The following DMD variants were observed in gnomAD, a reference collection of about 807,000 sequenced individuals.
The protein encoded by DMD is mutant dystrophin.
DMD carries 63 observed loss-of-function variants against 330.1 expected under a neutral mutation model. That is an observed-to-expected ratio of 0.19 (90% CI 0.16 to 0.24). The LOEUF (loss-of-function observed/expected upper bound fraction) is 0.24. DMD is among the 10% of genes least tolerant of loss of function. The pLI is 1.00. For missense variants in DMD, 3,344 were observed against 2,684.1 expected, an observed-to-expected ratio of 1.25 and a Z score of -5.43; for synonymous variants, 1,223 against 959.8, an observed-to-expected ratio of 1.27 and a Z score of -5.07.
At chrX:32,884,145 T>A (rs759797650) in intron 2 of DMD, among the ~76,000 whole-genome samples, 10 of 111,245 alleles carry the variant, frequency 9.0e-5, no homozygotes, top group African/African-American at 3.3e-4. Flanking sequence ...CTGAAGGAAC[T>A]TAAAGTTCCC....
At chrX:31,712,859 C>A (rs1472461285) in intron 52 of DMD, among the ~76,000 whole-genome samples, 1 of 111,344 alleles carries the variant, frequency 9.0e-6, no homozygotes, top group African/African-American at 3.3e-5. Flanking sequence ...GAAACAAAGT[C>A]CTGCTCCATA....
chrX:32,608,728 A>G (rs1423183673), intron 12 of DMD, among the ~76,000 whole-genome samples: 4 of 110,818 alleles, frequency 3.6e-5, no homozygotes, highest in Non-Finnish European at 5.7e-5. Context: ...CTGAGCATCA[A>G]TTATTGACTA....
chrX:31,358,982 T>A (rs1166706998), intron 60 of DMD, among the ~76,000 whole-genome samples: 2 of 112,147 alleles, frequency 1.8e-5, no homozygotes, highest in African/African-American at 6.5e-5. Flanking sequence ...TGATTGTTCA[T>A]AACAGGCTTC....
intron 1 of DMD, among the ~76,000 whole-genome samples, chrX:33,186,342 T>A (rs1378624346): frequency 8.9e-6 from 1 of 111,981 alleles, no homozygotes; most frequent in Non-Finnish European, 1.9e-5. Context: ...CTGTAAGAGA[T>A]ACAAAGATGG....
chrX:31,329,836 T>C (rs954710156), intron 61 of DMD, among the ~76,000 whole-genome samples: 1 of 107,396 alleles, frequency 9.3e-6, no homozygotes, highest in Admixed American at 1.0e-4. Context: ...CTGGGCGAGG[T>C]GGCGCGCACC....
intron 44 of DMD, among the ~76,000 whole-genome samples, chrX:32,036,661 A>G (rs978424096): frequency 9.0e-6 from 1 of 111,512 alleles, no homozygotes; most frequent in African/African-American, 3.3e-5. Context: ...CCTCAGAAAA[A>G]TGATTTGGGC....
At chrX:31,246,918 T>C (rs1334890318) in intron 63 of DMD, among the ~76,000 whole-genome samples, 2 of 106,998 alleles carry the variant, frequency 1.9e-5, no homozygotes, top group Non-Finnish European at 3.8e-5. Context: ...AGAGCAAGAC[T>C]CCGTCTTGGA....
chrX:32,812,284 A>C (rs1391497678), intron 6 of DMD, among the ~76,000 whole-genome samples: 1 of 111,607 alleles, frequency 9.0e-6, no homozygotes, highest in African/African-American at 3.3e-5. Context: ...CAAAATAACG[A>C]AAAAAACAAA....
chrX:32,736,931 A>C (rs1014293009), intron 7 of DMD, among the ~76,000 whole-genome samples: 18 of 110,110 alleles, frequency 1.6e-4, no homozygotes, highest in African/African-American at 4.3e-4. Flanking sequence ...AAAGAAAAAA[A>C]AACTTAAAAA....
intron 1 of DMD, among the ~76,000 whole-genome samples, chrX:33,294,323 C>T: frequency 9.0e-6 from 1 of 111,142 alleles, no homozygotes; most frequent in Middle Eastern, 4.7e-3. Context: ...CCATGGAGCC[C>T]CTGACACTAC....
At chrX:31,581,460 C>G (rs951146425) in intron 55 of DMD, among the ~76,000 whole-genome samples, 1 of 111,885 alleles carries the variant, frequency 8.9e-6, no homozygotes, top group African/African-American at 3.2e-5. Context: ...ATATTCCTCA[C>G]AAGACATTCC....
chrX:33,325,946 A>G (rs760860370), intron 1 of DMD, among the ~76,000 whole-genome samples: 19 of 111,872 alleles, frequency 1.7e-4, no homozygotes, highest in African/African-American at 5.8e-4. Context: ...GTAAGTCACA[A>G]AGGAAATAGA....
chrX:32,398,531 G>T (rs748462629), intron 30 of DMD, among the ~76,000 whole-genome samples: 2 of 110,800 alleles, frequency 1.8e-5, no homozygotes, highest in South Asian at 3.7e-4. Flanking sequence ...ATCTCCAGCA[G>T]AGAAGTAAAG....
chrX:32,817,894 C>T (rs765242664), intron 5 of DMD, among the ~76,000 whole-genome samples: 43 of 111,857 alleles, frequency 3.8e-4, no homozygotes, highest in African/African-American at 1.3e-3. Flanking sequence ...AACACAGTAA[C>T]GATTCGGAGA....
At chrX:33,007,390 C>A (rs1602586969) in intron 2 of DMD, among the ~76,000 whole-genome samples, 1 of 110,933 alleles carries the variant, frequency 9.0e-6, no homozygotes, top group South Asian at 3.8e-4. Context: ...CTGCAAGATG[C>A]CCTCCTTTCC....
chrX:33,038,151 T>C (rs2094236401), intron 1 of DMD, among the ~76,000 whole-genome samples: 1 of 112,261 alleles, frequency 8.9e-6, no homozygotes, highest in Admixed American at 9.5e-5. Flanking sequence ...AAATTTCATA[T>C]TTCAATATCC....
At chrX:32,883,428 C>T (rs912792587) in intron 2 of DMD, among the ~76,000 whole-genome samples, 1 of 111,119 alleles carries the variant, frequency 9.0e-6, no homozygotes, top group Non-Finnish European at 1.9e-5. Context: ...CTGGCACTAC[C>T]CCAATATTTT....
At chrX:33,070,227 G>C (rs913588247) in intron 1 of DMD, among the ~76,000 whole-genome samples, 2 of 111,102 alleles carry the variant, frequency 1.8e-5, no homozygotes, top group African/African-American at 6.5e-5. Context: ...ATTTTTTTAC[G>C]TAGTCACATG....
At chrX:32,212,609 C>G (rs2097097397) in intron 44 of DMD, among the ~76,000 whole-genome samples, 1 of 111,958 alleles carries the variant, frequency 8.9e-6, no homozygotes, top group Admixed American at 9.5e-5. Context: ...AACCCCCTTT[C>G]TAAACTTCTA....
Sources: allele counts gnomAD v4.1 joint callset (sites outside exome capture counted in the v4.1 genomes callset), GRCh38; gene constraint gnomAD v4.1.1; transcripts MANE v1.5; gene names NCBI Gene and HGNC (gene_info 2026-07-23, HGNC 2026-07-21).